NAALADL1: variants seen among roughly 807,000 people sequenced by gnomAD.
The protein encoded by NAALADL1 is aminopeptidase NAALADL1.
A neutral mutation model predicts 82.8 loss-of-function variants in NAALADL1; 77 were observed. That is an observed-to-expected ratio of 0.93 (90% confidence interval 0.77 to 1.12). The LOEUF is 1.12. Among genes scored for constraint, NAALADL1 ranks in the 50% most tolerant of loss-of-function variants. NAALADL1 has a pLI of 0.00. For missense variants in NAALADL1, 956 were observed against 964.0 expected, an observed-to-expected ratio of 0.99 and a Z score of 0.11; for synonymous variants, 358 against 399.2, an observed-to-expected ratio of 0.90 and a Z score of 1.23.
rs1565237123 is a variant in NAALADL1, at chr11:65,053,880, A to G, written c.993-304T>C. ...CAGGAGGACAGGAACAGCTGGGTGA[A>G]GGGGCCTGGGAGGAGAGGGCACCTG... On this transcript the variant is annotated intron_variant, in intron 6 of 17. Transcript: ENST00000358658. The surrounding 1 kb of genome is among the most constrained non-coding windows in gnomAD (Gnocchi z 4.3). Among the ~76,000 whole-genome samples, 2 of 152,108 alleles carry G rather than the reference A, an allele frequency of 1.3e-5. No homozygotes were observed. The highest frequency in any genetic ancestry group is 2.1e-4 in the South Asian group (1 of 4,824).
chr11:65,046,501 G>T lies in NAALADL1; in HGVS notation c.1625C>A (p.Pro542His), dbSNP rs1450528440. Residue 542 changes from proline to histidine, a missense_variant, in exon 14 of 18, where the codon CCC (proline) becomes CAC (histidine). Pro to His is a moderately conservative substitution (Grantham distance 77, BLOSUM62 -2). Transcript: ENST00000358658. Reference sequence around the variant, plus strand: ...GGTGTCAAAGGCTGTGTGGTAGGTGGGGTAGATCCTGGCTGAAGTCTTGCT... The same window carrying T: ...GGTGTCAAAGGCTGTGTGGTAGGTGTGGTAGATCCTGGCTGAAGTCTTGCT... ...DRSKTSARIY[P>H]TYHTAFDTFD... is the part of the protein sequence containing the mutation. 1.2e-5 allele frequency: 19 copies of T among 1,614,100 alleles called. No individual in the cohort carries two copies. Among genetic ancestry groups the T allele is most frequent in the Non-Finnish European group, 1.5e-5 (18 of 1,180,052 alleles).
chr11:65,057,735 G>T, intron 3 of NAALADL1, 140 bp downstream of exon 3: 1 of 1,352,788 alleles, frequency 7.4e-7, no homozygotes, highest in Non-Finnish European at 1.0e-6. Flanking sequence ...GAAAGGAGCA[G>T]CGATGGAGTG....
intron 8 of NAALADL1, among the ~76,000 whole-genome samples, chr11:65,051,315 C>CTTTTTTTTTTTTTTTTT (rs10535126): frequency 6.7e-5 from 4 of 59,508 alleles, no homozygotes; most frequent in African/African-American, 2.6e-4. Flanking sequence ...TTCTTTCTTT[C>CTTTTTTTTTTTTTTTTT]TTTTTTTTTT....
chr11:65,049,108 C>T (rs1032989218), intron 8 of NAALADL1, among the ~76,000 whole-genome samples: 1 of 152,196 alleles, frequency 6.6e-6, no homozygotes, highest in African/African-American at 2.4e-5. Context: ...ACACCCTCAA[C>T]TTCCTGGGGT....
chr11:65,058,264 A>C lies in NAALADL1; in HGVS notation c.186-14T>G, dbSNP rs1250491168. On this transcript the variant is annotated splice_polypyrimidine_tract_variant and intron_variant, in intron 1 of 17. Transcript: ENST00000358658. ...CTGGAGAGTTCTCTGCAGGGTGGGC[A>C]GAGGGAGGGGCAGGGCCAGCATCAG... 6.2e-7 allele frequency: 1 copy of C among 1,613,554 alleles called. No individual in the cohort carries two copies. Among genetic ancestry groups the C allele is most frequent in the Admixed American group, 1.7e-5 (1 of 59,996 alleles).
rs780174499 is a variant in NAALADL1 at position 65,058,014 on chromosome 11, G to A, written c.359-18C>T. On this transcript the variant is annotated intron_variant, in intron 2 of 17. Coordinates refer to ENST00000358658, the MANE Select transcript of NAALADL1 (RefSeq NM_005468.3). The stretch of plus-strand genomic sequence containing the variant: ...GGGGCCCACTGTTGGAGGGGTGGCA[G>A]TATCATGGCTGGGCCCAGCAGCTCC... 4 of 1,613,988 alleles carry A rather than the reference G, an allele frequency of 2.5e-6. No individual in the cohort carries two copies. Among genetic ancestry groups the A allele is most frequent in the Non-Finnish European group, 3.4e-6 (4 of 1,179,980 alleles).
chr11:65,055,275 A>G (rs945100045), intron 4 of NAALADL1, among the ~76,000 whole-genome samples: 3 of 152,106 alleles, frequency 2.0e-5, no homozygotes, highest in Admixed American at 6.6e-5. Flanking sequence ...TGTCTCTACT[A>G]AAAATACAGA....
chr11:65,046,548 G>A, intron 13 of NAALADL1, 22 bp from the exon 14 acceptor site: 1 of 1,612,082 alleles, frequency 6.2e-7, no homozygotes, highest in South Asian at 1.1e-5. Flanking sequence ...AAGCCCAGAG[G>A]TGACAGGCTT....
At chr11:65,058,613 G>A (rs1947116856), upstream of NAALADL1, 21 of 1,255,646 alleles carry the variant, frequency 1.7e-5, no homozygotes, top group Non-Finnish European at 2.1e-5. Context: ...TACCCCATGG[G>A]TGGCACTGCC....
rs377436888 is a variant in NAALADL1 at position 65,053,459 on chromosome 11, C to T, written c.1078+32G>A. ...AGCGGCATCCAGAGCAGAGCAGGGG[C>T]CTGGGGTGCAGGCAGCAAGAGGAGG... is the stretch of plus-strand genomic sequence containing the variant. On this transcript the variant is annotated intron_variant, in intron 7 of 17. Transcript: ENST00000358658. This position sits in a 1 kb window ranked among gnomAD's most constrained non-coding sequence, Gnocchi z 4.3. 79 of 1,613,262 alleles carry T rather than the reference C, an allele frequency of 4.9e-5. 1 individual carries two copies. In the African/African-American group the frequency reaches 9.6e-4, roughly 20 times the overall value.
intron 4 of NAALADL1, among the ~76,000 whole-genome samples, chr11:65,055,345 G>A (rs1236278825): frequency 2.6e-5 from 4 of 152,318 alleles, no homozygotes; most frequent in South Asian, 2.1e-4. Context: ...GCTGAGGCAC[G>A]AGAATCGCCT....
At position 65,053,278 on chromosome 11, in the gene NAALADL1, TG is replaced by T. The variant is rs759011618; in HGVS notation, c.1137del (p.Ser380AlafsTer18). Reference sequence around the variant, plus strand: ...TCCAGGAGGACGGCGGTGCCACTGCTGGGGTCCACAGCCCCGTGCACCCAGC... The same window carrying T: ...TCCAGGAGGACGGCGGTGCCACTGCTGGGTCCACAGCCCCGTGCACCCAGC... ...RDSWVHGAVD[P>X]SSGTAVLLEL... On this transcript the variant is annotated frameshift_variant, in exon 8 of 18. Coordinates refer to ENST00000358658, the MANE Select transcript of NAALADL1 (RefSeq NM_005468.3). LOFTEE classifies it high-confidence loss of function. The surrounding 1 kb of genome is among the most constrained non-coding windows in gnomAD (Gnocchi z 4.3). The T allele has an allele frequency of 1.3e-6, 2 of 1,555,226 alleles. No individual in the cohort carries two copies. Among genetic ancestry groups the T allele is most frequent in the South Asian group, 1.2e-5 (1 of 84,314 alleles).
upstream of NAALADL1, among the ~76,000 whole-genome samples, chr11:65,058,718 A>C (rs1233382704): frequency 6.6e-6 from 1 of 152,166 alleles, no homozygotes; most frequent in Non-Finnish European, 1.5e-5. Flanking sequence ...ATTTGCCTGG[A>C]ATGGCTCTCC....
Position 65,053,258 on chromosome 11 carries a change from G to A in NAALADL1, c.1158C>T (p.Leu386=), listed in dbSNP as rs1946938598. ...AVDPSSGTAV[L]LELSRVLGTL... ...TCCCCAGGACACGGGAGAGCTCCAG[G>A]AGGACGGCGGTGCCACTGCTGGGGT... Residue 386 remains leucine, a synonymous_variant, in exon 8 of 18, where the codon CTC becomes CTT. Transcript: ENST00000358658. The surrounding 1 kb of genome is among the most constrained non-coding windows in gnomAD (Gnocchi z 4.3). 1.3e-6 allele frequency: 2 copies of A among 1,553,960 alleles called. No individual in the cohort carries two copies. Among genetic ancestry groups the A allele is most frequent in the Non-Finnish European group, 8.7e-7 (1 of 1,148,960 alleles).
intron 8 of NAALADL1, among the ~76,000 whole-genome samples, chr11:65,050,888 C>T (rs1050047280): frequency 7.9e-5 from 12 of 152,136 alleles, no homozygotes; most frequent in African/African-American, 2.7e-4. Context: ...ACAGGGGTCT[C>T]GGTATGTTCC....
At chr11:65,046,578 G>C in intron 13 of NAALADL1, 52 bp from the exon 14 acceptor site, 1 of 1,569,224 alleles carries the variant, frequency 6.4e-7, no homozygotes, top group South Asian at 1.1e-5. Context: ...AGTGGGAGAA[G>C]GTGTACCTCC....
In NAALADL1 at chr11:65,058,008, G is replaced by T. The variant is rs1459703659; in HGVS notation, c.359-12C>A. The T allele has an allele frequency of 2.5e-6, 4 of 1,614,070 alleles. No homozygotes were observed. Among genetic ancestry groups the T allele is most frequent in the Non-Finnish European group, 3.4e-6 (4 of 1,180,018 alleles). ...CCCAGTGGGGCCCACTGTTGGAGGGGTGGCAGTATCATGGCTGGGCCCAGC... is the reference window on the plus strand; with the variant it reads ...CCCAGTGGGGCCCACTGTTGGAGGGTTGGCAGTATCATGGCTGGGCCCAGC... On this transcript the variant is annotated splice_polypyrimidine_tract_variant and intron_variant, in intron 2 of 17. Transcript: ENST00000358658.
rs10535126 is a variant in NAALADL1, at chr11:65,051,315, C to CTTTTTTTTT, written c.1198+1894_1198+1902dup. On this transcript the variant is annotated intron_variant, in intron 8 of 17. Transcript: ENST00000358658. Reference sequence around the variant, plus strand: ...AAGTCTCTCTCTCCTTTCTTTCTTTCTTTTTTTTTTTTTTTTTTTTTTTTT... The same window carrying CTTTTTTTTT: ...AAGTCTCTCTCTCCTTTCTTTCTTTCTTTTTTTTTTTTTTTTTTTTTTTTTTTTTTTTTT... Among the ~76,000 whole-genome samples, 24 of 59,574 alleles carry CTTTTTTTTT rather than the reference C, an allele frequency of 4.0e-4. 1 individual carries two copies. Among genetic ancestry groups the CTTTTTTTTT allele is most frequent in the African/African-American group, 1.2e-3 (19 of 15,600 alleles). 39.1% of individuals were successfully genotyped at this position (59,574 alleles called of 152,430 possible). A position where few individuals can be genotyped will look rare whatever the true frequency, so the allele number is the denominator to read the frequency against.
At position 65,045,339 on chromosome 11, in the gene NAALADL1, G is replaced by A; in HGVS notation, c.2155C>T (p.Gln719Ter). The A allele has an allele frequency of 6.2e-7, 1 of 1,610,518 alleles. No homozygotes were observed. The highest frequency in any genetic ancestry group is 8.5e-7 in the Non-Finnish European group (1 of 1,178,624). The stretch of plus-strand genomic sequence containing the variant: ...AGGGCTGTCACCACAATGCTGAGCT[G>A]TCTCTGGACCTCAGCCCAAGCTTCA... ...GSEAWAEVQR[Q>*]LSIVVTALEG... The change falls in exon 18 of 18, where the codon CAG becomes TAG. Residue 719 changes from glutamine to a stop codon, truncating the protein, a stop_gained. Coordinates refer to ENST00000358658, the MANE Select transcript of NAALADL1 (RefSeq NM_005468.3). LOFTEE classifies it high-confidence loss of function.
Sources: allele counts gnomAD v4.1 joint callset (sites outside exome capture counted in the v4.1 genomes callset), GRCh38; gene constraint gnomAD v4.1.1; non-coding constraint Gnocchi (gnomAD v3.1); transcripts MANE v1.5; gene names NCBI Gene and HGNC (gene_info 2026-07-23, HGNC 2026-07-21).